Variants in CMPK2 observed in about 807,000 individuals in gnomAD.
CMPK2 encodes cytidine/uridine monophosphate kinase 2.
In CMPK2, 32 loss-of-function variants were observed where a neutral mutation model predicts 33.4. The observed-to-expected ratio is 0.96, with a 90% CI of 0.72 to 1.29. The LOEUF is 1.29. Ranked by LOEUF, CMPK2 falls within the 50% of genes most tolerant of loss-of-function variation. The probability of loss-of-function intolerance (pLI) is 0.00; values close to 1 mark genes in which losing one functional copy is unlikely to be tolerated. For synonymous variants in CMPK2, 299 were observed against 275.3 expected, an observed-to-expected ratio of 1.09 and a Z score of -0.85; for missense variants, 672 against 616.0, an observed-to-expected ratio of 1.09 and a Z score of -0.96.
In CMPK2 at chr2:6,863,455, T is replaced by C. The variant is rs1662941744; in HGVS notation, c.790+9A>G. The C allele has an allele frequency of 6.2e-7, 1 of 1,609,246 alleles. No individual in the cohort carries two copies. Among genetic ancestry groups the C allele is most frequent in the Non-Finnish European group, 8.5e-7 (1 of 1,176,084 alleles). ...CATTGCCTATAACTAAAAGGTAATA[T>C]TATCTTACCCGTGGCATCCAGTCCT... On this transcript the variant is annotated intron_variant, in intron 2 of 4. Coordinates refer to ENST00000256722, the MANE Select transcript of CMPK2 (RefSeq NM_207315.4).
At chr2:6,843,941 T>G (rs544630241), downstream of CMPK2, among the ~76,000 whole-genome samples, 5 of 152,016 alleles carry the variant, frequency 3.3e-5, no homozygotes, top group Admixed American at 6.5e-5. Flanking sequence ...GCAGTTCGAG[T>G]TGCTGGAGCC....
At chr2:6,845,083 G>A (rs1263187215), downstream of CMPK2, among the ~76,000 whole-genome samples, 1 of 152,144 alleles carries the variant, frequency 6.6e-6, no homozygotes, top group African/African-American at 2.4e-5. Flanking sequence ...ACTGTACAAT[G>A]CTTACAAAGA....
upstream of CMPK2, chr2:6,865,947 C>G: frequency 7.6e-7 from 1 of 1,308,736 alleles, no homozygotes; most frequent in Non-Finnish European, 1.0e-6. Flanking sequence ...GACGCTTGGC[C>G]CCGGGGCCCC....
chr2:6,841,655 G>C (rs973206742), intron 3 of CMPK2, among the ~76,000 whole-genome samples: 6 of 151,818 alleles, frequency 4.0e-5, no homozygotes, highest in Non-Finnish European at 7.4e-5. Flanking sequence ...AGAATACTGA[G>C]GCTTTATTTC....
rs758387571 is a variant in CMPK2, at chr2:6,865,042, C to T, written c.655G>A (p.Ala219Thr). The T allele has an allele frequency of 7.0e-7, 1 of 1,429,840 alleles. No homozygotes were observed. Among genetic ancestry groups the T allele is most frequent in the African/African-American group, 1.5e-5 (1 of 66,828 alleles). 88.6% of individuals were successfully genotyped at this position (1,429,840 alleles called of 1,614,324 possible). A position where few individuals can be genotyped will look rare whatever the true frequency, so the allele number is the denominator to read the frequency against. Residue 219 changes from alanine to threonine, a missense_variant, in exon 1 of 5, where the codon GCC (alanine) becomes ACC (threonine). By Grantham distance (58) the Ala-to-Thr change is moderately conservative (BLOSUM62 0). Coordinates refer to ENST00000256722, the MANE Select transcript of CMPK2 (RefSeq NM_207315.4). ...SSVVFPDREA[A>T]RAVLEECTSF... ...CTTACCTCCTCCAAAACGGCCCGGGCGGCTTCCCGGTCCGGGAAGACCACG... is the reference window on the plus strand; with the variant it reads ...CTTACCTCCTCCAAAACGGCCCGGGTGGCTTCCCGGTCCGGGAAGACCACG...
At position 6,856,221 on chromosome 2, in the gene CMPK2, CACA is replaced by C. The variant is rs1259381905; in HGVS notation, c.993-4541_993-4539del. ...CACCAAAAATGCATAAAATTTAGTT[CACA>C]ACAACACAGGCAAATCTTCAAAACA... On this transcript the variant is annotated intron_variant, in intron 3 of 4. Coordinates refer to ENST00000256722, the MANE Select transcript of CMPK2 (RefSeq NM_207315.4). Among the ~76,000 whole-genome samples, 4 of 152,206 alleles carry C rather than the reference CACA, an allele frequency of 2.6e-5. No individual in the cohort carries two copies. In the East Asian group the frequency reaches 5.8e-4, roughly 22 times the overall value.
chr2:6,850,625 G>A, intron 4 of CMPK2: 1 of 506,288 alleles, frequency 2.0e-6, no homozygotes, highest in Non-Finnish European at 2.6e-6. Context: ...TTCCTGTTCT[G>A]CAAAATGAAG....
intron 3 of CMPK2, among the ~76,000 whole-genome samples, chr2:6,840,975 AGAG>A (rs773487621): frequency 6.6e-6 from 1 of 152,138 alleles, no homozygotes; most frequent in Non-Finnish European, 1.5e-5. Flanking sequence ...TAAGCAGTTT[AGAG>A]GAGGTGAGTT....
chr2:6,863,900 C>T (rs990393678), intron 1 of CMPK2, among the ~76,000 whole-genome samples: 1 of 152,218 alleles, frequency 6.6e-6, no homozygotes, highest in African/African-American at 2.4e-5. Context: ...GAACTACAGG[C>T]CCGCTGGGAA....
chr2:6,844,386 C>T (rs1408844542), downstream of CMPK2, among the ~76,000 whole-genome samples: 2 of 152,168 alleles, frequency 1.3e-5, no homozygotes, highest in African/African-American at 4.8e-5. Context: ...TTAAGATTAG[C>T]TTTCCGTCAA....
intron 3 of CMPK2, among the ~76,000 whole-genome samples, chr2:6,853,293 C>T (rs953984851): frequency 2.0e-4 from 31 of 152,216 alleles, no homozygotes; most frequent in African/African-American, 7.2e-4. Context: ...TAGAATTGAA[C>T]TCCTCTCCAC....
rs770540759 is a variant in CMPK2, at chr2:6,849,924, C to A, written c.1276G>T (p.Asp426Tyr). The change falls in exon 5 of 5, where the codon GAT becomes TAT. Residue 426 changes from aspartate to tyrosine, a missense_variant. Asp to Tyr is a radical substitution (Grantham distance 160). Transcript: ENST00000256722. ...ACCTTTTCTCTGGAGGGGCTGGCAT[C>A]AACCACATGGCAGCCAGGATTCTCC... ...RMENPGCHVV[D>Y]ASPSREKVLQ... The A allele has an allele frequency of 6.2e-7, 1 of 1,614,034 alleles. No individual in the cohort carries two copies. Among genetic ancestry groups the A allele is most frequent in the Non-Finnish European group, 8.5e-7 (1 of 1,180,018 alleles).
In CMPK2 at chr2:6,848,980, TA is replaced by T; in HGVS notation, c.*869del. On this transcript the variant is annotated 3_prime_UTR_variant, in exon 5 of 5. Coordinates refer to ENST00000256722, the MANE Select transcript of CMPK2 (RefSeq NM_207315.4). ...TTAGCGTTTTGACTCCACTTTTAATTAATGAATCATAGCTCCTATGCTGAGG... is the reference window on the plus strand; with the variant it reads ...TTAGCGTTTTGACTCCACTTTTAATTATGAATCATAGCTCCTATGCTGAGG... The T allele has an allele frequency of 1.0e-6, 1 of 985,658 alleles. No individual in the cohort carries two copies. Among genetic ancestry groups the T allele is most frequent in the Non-Finnish European group, 1.2e-6 (1 of 829,724 alleles). 61.1% of individuals were successfully genotyped at this position (985,658 alleles called of 1,614,324 possible).
chr2:6,855,789 C>A (rs1445530949), intron 3 of CMPK2, among the ~76,000 whole-genome samples: 1 of 152,152 alleles, frequency 6.6e-6, no homozygotes, highest in Non-Finnish European at 1.5e-5. Flanking sequence ...CCTTTCTTGC[C>A]CCTCCCCCAC....
At chr2:6,842,792 C>A (rs928916045) in intron 3 of CMPK2, among the ~76,000 whole-genome samples, 1 of 152,130 alleles carries the variant, frequency 6.6e-6, no homozygotes, top group Non-Finnish European at 1.5e-5. Context: ...CAAAAAACCC[C>A]AAAATCCTCT....
intron 3 of CMPK2, among the ~76,000 whole-genome samples, chr2:6,852,793 C>A (rs79342228): frequency 0.028 from 4,288 of 152,284 alleles, 205 homozygotes; most frequent in African/African-American, 0.098. Context: ...TACTCTTGCC[C>A]TGTTCATGCC....
In CMPK2 at chr2:6,865,156, C is replaced by T. The variant is rs367934466; in HGVS notation, c.541G>A (p.Asp181Asn). 6.6e-4 allele frequency: 1,012 copies of T among 1,534,708 alleles called. 3 individuals are homozygous for T. The African/African-American group carries it at 0.013, about 20-fold the overall frequency. ...QLWQRLWEVQDGRRLQVGCAQ... is the reference protein window; with the variant it reads ...QLWQRLWEVQNGRRLQVGCAQ... The stretch of plus-strand genomic sequence containing the variant: ...CAGCCCACCTGCAGCCGCCTGCCGT[C>T]TTGCACCTCCCAGAGGCGCTGCCAC... The change falls in exon 1 of 5, where the codon GAC (aspartate) becomes AAC (asparagine). Residue 181 changes from aspartate (D) to asparagine (N), a missense_variant. Asp to Asn is a conservative substitution (Grantham distance 23). Coordinates refer to ENST00000256722, the MANE Select transcript of CMPK2 (RefSeq NM_207315.4).
At chr2:6,850,019 G>T (rs375703808) in intron 4 of CMPK2, 46 bp from the exon 5 acceptor site, 5 of 1,418,486 alleles carry the variant, frequency 3.5e-6, no homozygotes, top group Non-Finnish European at 5.0e-6. Context: ...TTTTCACACA[G>T]CTATTTGCAT....
chr2:6,846,014 G>A (rs1662351928), downstream of CMPK2, among the ~76,000 whole-genome samples: 1 of 152,160 alleles, frequency 6.6e-6, no homozygotes, highest in Non-Finnish European at 1.5e-5. Flanking sequence ...ATCACTGATA[G>A]AGGAACGTAA....
Sources: gnomAD v4.1 joint callset for allele counts (sites outside exome capture counted in the v4.1 genomes callset) on GRCh38, gnomAD v4.1.1 for gene constraint, MANE v1.5 for transcripts, NCBI Gene and HGNC (gene_info 2026-07-23, HGNC 2026-07-21) for gene names.